The following NRROS variants were observed in gnomAD, a reference collection of about 807,000 sequenced individuals.
NRROS encodes negative regulator of reactive oxygen species, also known as transforming growth factor beta activator LRRC33.
In NRROS, 6 loss-of-function variants were observed where a neutral mutation model predicts 12.0. The ratio of observed to expected loss-of-function variants is 0.50; its 90% CI spans 0.27 to 0.98. NRROS has a LOEUF of 0.98. Ranked by LOEUF, NRROS falls within the 50% of genes least tolerant of loss-of-function variation. The probability of loss-of-function intolerance (pLI) is 0.11; values close to 1 mark genes in which losing one functional copy is unlikely to be tolerated. For synonymous variants in NRROS, 462 were observed against 410.2 expected (o/e 1.13, Z -1.53); for missense variants, 857 against 888.2 (o/e 0.96, Z 0.45).
In NRROS at chr3:196,654,025, G is replaced by T. The variant is rs929313020; in HGVS notation, c.-13-502G>T. On this transcript the variant is annotated intron_variant, in intron 1 of 2. Transcript: ENST00000328557. This position sits in a 1 kb window ranked among gnomAD's most constrained non-coding sequence, Gnocchi z 4.4. ...CAAAGAGATCAACGCTTTTGTAACA[G>T]CCCCACATCAGCAGCTGAGGAGTAA... is the stretch of plus-strand genomic sequence containing the variant. Among the ~76,000 whole-genome samples, 3 of 152,178 alleles carry T rather than the reference G, an allele frequency of 2.0e-5. No homozygotes were observed. The highest frequency in any genetic ancestry group is 7.2e-5 in the African/African-American group (3 of 41,438).
Position 196,661,603 on chromosome 3 carries a change from G to T in NRROS, c.1960G>T (p.Val654Leu), listed in dbSNP as rs142890318. ...ERLDLGLLYL[V>L]LILPSCLTLL... ...GCTGGACCTGGGCCTGCTCTACCTC[G>T]TGCTCATCCTCCCCAGCTGCCTCAC... The change falls in exon 3 of 3, where the codon GTG (valine) becomes TTG (leucine). Residue 654 changes from valine to leucine, a missense_variant. Coordinates refer to ENST00000328557, the MANE Select transcript of NRROS (RefSeq NM_198565.3). 2 of 1,613,564 alleles carry T rather than the reference G, an allele frequency of 1.2e-6. No homozygotes were observed. Among genetic ancestry groups the T allele is most frequent in the Non-Finnish European group, 8.5e-7 (1 of 1,180,010 alleles).
At chr3:196,641,914 G>A (rs540888579) in intron 1 of NRROS, among the ~76,000 whole-genome samples, 1 of 152,332 alleles carries the variant, frequency 6.6e-6, no homozygotes, top group East Asian at 1.9e-4. Context: ...AGGACATGCT[G>A]TGTGTATGAC....
At chr3:196,652,592 G>GT (rs145061631) in intron 1 of NRROS, among the ~76,000 whole-genome samples, 5 of 152,162 alleles carry the variant, frequency 3.3e-5, no homozygotes, top group South Asian at 2.1e-4. Context: ...CACAACAAGA[G>GT]TTTTTTTCTG....
rs1390168831 is a variant in NRROS at position 196,660,360 on chromosome 3, G to A, written c.717G>A (p.Glu239=). Residue 239 remains glutamate (E), a synonymous_variant, in exon 3 of 3, where the codon GAG becomes GAA. Transcript: ENST00000328557. The surrounding 1 kb of genome is among the most constrained non-coding windows in gnomAD (Gnocchi z 7.7). ...TCAACGTCAGCTACAACGTCCTGGA[G>A]TGGTTCCTCGCGACCGGGGGAGAGG... ...RVLNVSYNVL[E]WFLATGGEAA... 2 of 1,614,058 alleles carry A rather than the reference G, an allele frequency of 1.2e-6. No individual in the cohort carries two copies. Among genetic ancestry groups the A allele is most frequent in the Non-Finnish European group, 8.5e-7 (1 of 1,180,014 alleles).
intron 1 of NRROS, among the ~76,000 whole-genome samples, chr3:196,650,864 G>A (rs1285961743): frequency 6.6e-6 from 1 of 152,180 alleles, no homozygotes; most frequent in East Asian, 1.9e-4. Context: ...TGTTCCAAAT[G>A]GGCCAAACCT....
chr3:196,661,070 C>T lies in NRROS; in HGVS notation c.1427C>T (p.Ala476Val), dbSNP rs2108644166. Residue 476 changes from alanine to valine, a missense_variant, in exon 3 of 3, where the codon GCA becomes GTA. By Grantham distance (64) the Ala-to-Val change is moderately conservative. Transcript: ENST00000328557. ...SLSLEGCGLG[A>V]LPDCPFQGTS... is the part of the protein sequence containing the mutation. Reference sequence around the variant, plus strand: ...TCTCTGGAGGGCTGTGGCCTGGGGGCATTGCCAGACTGCCCATTCCAAGGG... The same window carrying T: ...TCTCTGGAGGGCTGTGGCCTGGGGGTATTGCCAGACTGCCCATTCCAAGGG... The T allele has an allele frequency of 6.2e-7, 1 of 1,614,118 alleles. No homozygotes were observed. Among genetic ancestry groups the T allele is most frequent in the African/African-American group, 1.3e-5 (1 of 75,020 alleles).
intron 1 of NRROS, among the ~76,000 whole-genome samples, chr3:196,645,295 T>C (rs1737286716): frequency 6.6e-6 from 1 of 152,098 alleles, no homozygotes; most frequent in Non-Finnish European, 1.5e-5. Flanking sequence ...CGTGTGGGCA[T>C]GCGTGATTTA....
chr3:196,649,192 G>A (rs924970117), intron 1 of NRROS, among the ~76,000 whole-genome samples: 2 of 152,210 alleles, frequency 1.3e-5, no homozygotes, highest in Non-Finnish European at 1.5e-5. Flanking sequence ...GCTTCCTGGA[G>A]AAGGGACTGT....
At chr3:196,641,206 T>A (rs12152278) in intron 1 of NRROS, among the ~76,000 whole-genome samples, 9,142 of 151,980 alleles carry the variant, frequency 0.06, 329 homozygotes, top group Admixed American at 0.084. Flanking sequence ...TTTTTAAAAA[T>A]ATATATATTT....
chr3:196,654,718 G>A lies in NRROS; in HGVS notation c.108+71G>A. 1 of 957,924 alleles carries A rather than the reference G, an allele frequency of 1.0e-6. No individual in the cohort carries two copies. Among genetic ancestry groups the A allele is most frequent in the Non-Finnish European group, 1.6e-6 (1 of 617,992 alleles). 59.3% of individuals were successfully genotyped at this position (957,924 alleles called of 1,614,324 possible). A position where few individuals can be genotyped will look rare whatever the true frequency, so the allele number is the denominator to read the frequency against. ...CAAGGCTTGGTCCATTTGGAAAGCT[G>A]ACAGATTGTCCATCAGGAAGGGCAG... On this transcript the variant is annotated intron_variant, in intron 2 of 2. Transcript: ENST00000328557. The surrounding 1 kb of genome is among the most constrained non-coding windows in gnomAD (Gnocchi z 4.4).
Position 196,661,024 on chromosome 3 carries a change from A to G in NRROS, c.1381A>G (p.Met461Val), listed in dbSNP as rs778578198. ...CCCTAGCTGTGTGGATTTCAGGAATATGGCATCTTTAAGGAGCCTGTCTCT... is the reference window on the plus strand; with the variant it reads ...CCCTAGCTGTGTGGATTTCAGGAATGTGGCATCTTTAAGGAGCCTGTCTCT... ...GPPSCVDFRN[M>V]ASLRSLSLEG... The change falls in exon 3 of 3, where the codon ATG (methionine) becomes GTG (valine). Residue 461 changes from methionine to valine, a missense_variant. By Grantham distance (21) the Met-to-Val change is conservative (BLOSUM62 1). Coordinates refer to ENST00000328557, the MANE Select transcript of NRROS (RefSeq NM_198565.3). 2.5e-6 allele frequency: 4 copies of G among 1,614,106 alleles called. No individual in the cohort carries two copies. The highest frequency in any genetic ancestry group is 3.4e-6 in the Non-Finnish European group (4 of 1,180,020).
At chr3:196,652,674 A>G (rs7625867) in intron 1 of NRROS, among the ~76,000 whole-genome samples, 22,732 of 152,232 alleles carry the variant, frequency 0.15, 5,684 homozygotes, top group African/African-American at 0.52. Flanking sequence ...TGACCCATAA[A>G]TTAAAATGCC....
At chr3:196,658,688 G>A (rs1484980641) in intron 2 of NRROS, among the ~76,000 whole-genome samples, 3 of 152,124 alleles carry the variant, frequency 2.0e-5, no homozygotes, top group East Asian at 1.9e-4. Context: ...CTTTCTGGCC[G>A]GGCACGGTGG....
rs1364014821 is a variant in NRROS, at chr3:196,646,861, A to G, written c.-14+6986A>G. 2.6e-5 allele frequency among the ~76,000 whole-genome samples: 4 copies of G among 152,346 alleles called. No homozygotes were observed. In the East Asian group the frequency reaches 7.7e-4, roughly 29 times the overall value. On this transcript the variant is annotated intron_variant, in intron 1 of 2. Coordinates refer to ENST00000328557, the MANE Select transcript of NRROS (RefSeq NM_198565.3). ...TTGAACCAGTGCTGGGAACCATGGC[A>G]CTGCCTTCGCCGAGCCGCCGCGTGC...
chr3:196,652,710 G>T (rs1451007366), intron 1 of NRROS, among the ~76,000 whole-genome samples: 3 of 152,140 alleles, frequency 2.0e-5, no homozygotes, highest in African/African-American at 7.2e-5. Context: ...ACAAGGCCTG[G>T]CTTGCCTTCC....
At chr3:196,657,522 A>G (rs1737564597) in intron 2 of NRROS, among the ~76,000 whole-genome samples, 1 of 152,102 alleles carries the variant, frequency 6.6e-6, no homozygotes, top group Non-Finnish European at 1.5e-5. Flanking sequence ...AGGGTGGCCA[A>G]CATGGCAAAA....
Position 196,661,656 on chromosome 3 carries a change from C to A in NRROS, c.2013C>A (p.Val671=), listed in dbSNP as rs776380186. 3.7e-6 allele frequency: 6 copies of A among 1,608,038 alleles called. No individual in the cohort carries two copies. The highest frequency in any genetic ancestry group is 1.3e-5 in the African/African-American group (1 of 74,924). ...LTLLVACTVI[V]LTFKKPLLQV... ...TGCTGGTGGCCTGCACTGTCATCGT[C>A]CTCACTTTTAAGAAGCCTCTGCTTC... is the stretch of plus-strand genomic sequence containing the variant. The change falls in exon 3 of 3, where the codon GTC becomes GTA. Residue 671 remains valine (V), a synonymous_variant. Coordinates refer to ENST00000328557, the MANE Select transcript of NRROS (RefSeq NM_198565.3).
chr3:196,660,984 G>C lies in NRROS; in HGVS notation c.1341G>C (p.Ser447=), dbSNP rs561928017. The change falls in exon 3 of 3, where the codon TCG becomes TCC. Residue 447 remains serine (S), a synonymous_variant. Coordinates refer to ENST00000328557, the MANE Select transcript of NRROS (RefSeq NM_198565.3). This position sits in a 1 kb window ranked among gnomAD's most constrained non-coding sequence, Gnocchi z 7.7. Reference sequence around the variant, plus strand: ...CACTTTGTCCCCTGCCAGCTGCCTCGGACCGGGTGGGCCCCCCTAGCTGTG... The same window carrying C: ...CACTTTGTCCCCTGCCAGCTGCCTCCGACCGGGTGGGCCCCCCTAGCTGTG... ...QISLCPLPAA[S]DRVGPPSCVD... is the part of the protein sequence containing the mutation. 7 of 1,614,154 alleles carry C rather than the reference G, an allele frequency of 4.3e-6. No homozygotes were observed. In the East Asian group the frequency reaches 1.1e-4, roughly 26 times the overall value.
chr3:196,660,902 G>A lies in NRROS; in HGVS notation c.1259G>A (p.Gly420Asp). 1 of 1,614,106 alleles carries A rather than the reference G, an allele frequency of 6.2e-7. No homozygotes were observed. Among genetic ancestry groups the A allele is most frequent in the Non-Finnish European group, 8.5e-7 (1 of 1,180,042 alleles). Residue 420 changes from glycine to aspartate, a missense_variant, in exon 3 of 3, where the codon GGC becomes GAC. By Grantham distance (94) the Gly-to-Asp change is moderately conservative. Transcript: ENST00000328557. The surrounding 1 kb of genome is among the most constrained non-coding windows in gnomAD (Gnocchi z 7.7). The stretch of plus-strand genomic sequence containing the variant: ...AACCAGCTCCTGGGCGTCCCCCCTG[G>A]CCTCTTCGCCAATGCTAGGAACATC... ...SSNQLLGVPP[G>D]LFANARNITT... is the part of the protein sequence containing the mutation.
Sources: allele counts gnomAD v4.1 joint callset (sites outside exome capture counted in the v4.1 genomes callset), GRCh38; gene constraint gnomAD v4.1.1; non-coding constraint Gnocchi (gnomAD v3.1); transcripts MANE v1.5; gene names NCBI Gene and HGNC (gene_info 2026-07-23, HGNC 2026-07-21).